NF1: variants seen among roughly 807,000 people sequenced by gnomAD.
NF1 encodes the protein neurofibromin 1.
In NF1, 122 loss-of-function variants were observed where a neutral mutation model predicts 325.7. The observed-to-expected ratio is 0.37, with a 90% CI of 0.32 to 0.44. NF1 has a LOEUF of 0.44. Ranked by LOEUF, NF1 falls within the 20% of genes least tolerant of loss-of-function variation. The pLI is 1.00. For synonymous variants in NF1, 1,091 were observed against 1,186.0 expected (o/e 0.92, Z 1.65); for missense variants, 2,140 against 3,415.4 (o/e 0.63, Z 9.31).
chr17:31,097,844 G>C (rs1333250469), intron 1 of NF1, among the ~76,000 whole-genome samples: 6 of 152,088 alleles, frequency 3.9e-5, no homozygotes, highest in Admixed American at 1.3e-4. Flanking sequence ...TTACAGGTGT[G>C]CACCATCGTG....
At chr17:31,338,637 G>GA in intron 45 of NF1, 67 bp from the exon 46 acceptor site, 1 of 985,274 alleles carries the variant, frequency 1.0e-6, no homozygotes, top group Non-Finnish European at 1.6e-6. Flanking sequence ...TTCATTCCGA[G>GA]ATTCAGTTTA....
chr17:31,361,372 C>A (rs909681723), intron 57 of NF1: 1 of 152,484 alleles, frequency 6.6e-6, no homozygotes, highest in African/African-American at 2.4e-5. Flanking sequence ...AAATGGCAAA[C>A]CTACAGAACT....
At chr17:31,210,860 G>A (rs1392075177) in intron 12 of NF1, among the ~76,000 whole-genome samples, 1 of 151,712 alleles carries the variant, frequency 6.6e-6, no homozygotes, top group Non-Finnish European at 1.5e-5. Flanking sequence ...TATGAATGTT[G>A]AGCCATAACT....
At chr17:31,198,329 T>C (rs2066469214) in intron 8 of NF1, among the ~76,000 whole-genome samples, 2 of 152,148 alleles carry the variant, frequency 1.3e-5, no homozygotes, top group Admixed American at 1.3e-4. Flanking sequence ...ATTCTGGAAG[T>C]GTTTGAGAAG....
At chr17:31,221,661 T>C (rs1234133269) in intron 14 of NF1, among the ~76,000 whole-genome samples, 189 bp from the exon 15 acceptor site, 5 of 152,210 alleles carry the variant, frequency 3.3e-5, no homozygotes, top group Non-Finnish European at 7.4e-5. Flanking sequence ...GATTTCATTC[T>C]GTCTGTATTA....
chr17:31,222,595 TA>T lies in NF1; in HGVS notation c.1721+671del, dbSNP rs1454224987. The stretch of plus-strand genomic sequence containing the variant: ...GTAATATAATGAGAACCCCATATGT[TA>T]AAAACTTTTTTACTTACTACATTAA... On this transcript the variant is annotated intron_variant, in intron 15 of 57. Coordinates refer to ENST00000358273, the MANE Select transcript of NF1 (RefSeq NM_001042492.3). The T allele has an allele frequency of 6.1e-6, 6 of 981,998 alleles. No individual in the cohort carries two copies. In the East Asian group the frequency reaches 3.4e-4, roughly 56 times the overall value. 60.8% of individuals were successfully genotyped at this position (981,998 alleles called of 1,614,324 possible). A position where few individuals can be genotyped will look rare whatever the true frequency, so the allele number is the denominator to read the frequency against.
chr17:31,352,383 A>G lies in NF1; in HGVS notation c.7584A>G (p.Gln2528=), dbSNP rs55865524. The change falls in exon 51 of 58, where the codon CAA becomes CAG. Residue 2528 remains glutamine, a synonymous_variant. Transcript: ENST00000358273. The stretch of plus-strand genomic sequence containing the variant: ...AATCCATGAGCCTGGACATGGGGCA[A>G]CCTTCTCAGGCCAACACTAAGAAGT... The part of the protein sequence containing the change: ...ARKSMSLDMG[Q]PSQANTKKLL... 9.8e-4 allele frequency: 1,578 copies of G among 1,614,034 alleles called. 6 individuals are homozygous for G. The highest frequency in any genetic ancestry group is 7.9e-3 in the Middle Eastern group (48 of 6,056).
Position 31,357,457 on chromosome 17 carries a change from G to A in NF1, c.7970+88G>A, listed in dbSNP as rs981842923. 5.4e-5 allele frequency: 54 copies of A among 996,142 alleles called. No homozygotes were observed. In the South Asian group the frequency reaches 6.3e-4, roughly 12 times the overall value. 61.7% of individuals were successfully genotyped at this position (996,142 alleles called of 1,614,324 possible). The stretch of plus-strand genomic sequence containing the variant: ...AGTAATGTGCACTGGTTGCAAAGAG[G>A]GCAAAATGAGATATTGTGATAGTGA... On this transcript the variant is annotated intron_variant, in intron 54 of 57. Transcript: ENST00000358273.
chr17:31,376,244 G>A lies in NF1; in HGVS notation c.*2089G>A, dbSNP rs17881973. On this transcript the variant is annotated 3_prime_UTR_variant, in exon 58 of 58. Coordinates refer to ENST00000358273, the MANE Select transcript of NF1 (RefSeq NM_001042492.3). The stretch of plus-strand genomic sequence containing the variant: ...TTAGTTCGATGTTTTTCTTGTTTTT[G>A]TTTGTTGGTTTGGTGCATATGATAG... 0.015 allele frequency: 3,526 copies of A among 232,810 alleles called. 142 individuals are homozygous for A. Among genetic ancestry groups the A allele is most frequent in the African/African-American group, 0.072 (3,264 of 45,372 alleles). 14.4% of individuals were successfully genotyped at this position (232,810 alleles called of 1,614,324 possible). A position where few individuals can be genotyped will look rare whatever the true frequency, so the allele number is the denominator to read the frequency against.
intron 1 of NF1, chr17:31,137,622 G>A (rs1226624095): frequency 1.3e-5 from 2 of 151,574 alleles, no homozygotes; most frequent in Non-Finnish European, 2.9e-5. Flanking sequence ...TCTCCCTTCA[G>A]CATCATTTTG....
rs866829123 is a variant in NF1 at position 31,335,295 on chromosome 17, T to A, written c.6006+264T>A. Among the ~76,000 whole-genome samples, 28 of 128,876 alleles carry A rather than the reference T, an allele frequency of 2.2e-4. 3 individuals carry two copies. The highest frequency in any genetic ancestry group is 8.7e-4 in the African/African-American group (27 of 31,076). The allele number at this position is 128,876 out of a possible 152,430, so 84.5% of individuals were successfully genotyped here. ...ATAATTATATATATATATATATATA[T>A]AATTATGCCTTGAAGGAGACTGTGC... is the stretch of plus-strand genomic sequence containing the variant. On this transcript the variant is annotated intron_variant, in intron 40 of 57. Coordinates refer to ENST00000358273, the MANE Select transcript of NF1 (RefSeq NM_001042492.3).
intron 36 of NF1, chr17:31,295,621 G>A (rs1433022066): frequency 1.9e-5 from 31 of 1,614,016 alleles, no homozygotes; most frequent in Non-Finnish European, 2.6e-5. Context: ...ACTTCAGTAA[G>A]TAAGTAATGT....
chr17:31,265,852 G>T (rs1196624591), intron 36 of NF1, among the ~76,000 whole-genome samples: 4 of 152,132 alleles, frequency 2.6e-5, no homozygotes, highest in African/African-American at 9.7e-5. Context: ...TGTTCATGCT[G>T]CCCTCAGTTG....
At chr17:31,282,963 C>A (rs1411127541) in intron 36 of NF1, among the ~76,000 whole-genome samples, 3 of 152,088 alleles carry the variant, frequency 2.0e-5, no homozygotes, top group African/African-American at 4.8e-5. Context: ...TTGATAAATC[C>A]CTCCTTTTCT....
intron 1 of NF1, among the ~76,000 whole-genome samples, chr17:31,099,110 T>C (rs1912064482): frequency 6.6e-6 from 1 of 152,148 alleles, no homozygotes; most frequent in Non-Finnish European, 1.5e-5. Flanking sequence ...AGCATGTGCA[T>C]GTCTAAAGAT....
At chr17:31,354,254 GA>G (rs964912143) in intron 51 of NF1, among the ~76,000 whole-genome samples, 8 of 151,716 alleles carry the variant, frequency 5.3e-5, no homozygotes, top group Admixed American at 3.3e-4. Context: ...GAAATTAGAA[GA>G]AAAAAAACTG....
chr17:31,183,226 AAAG>A (rs1420495693), intron 8 of NF1: 1 of 195,866 alleles, frequency 5.1e-6, no homozygotes, highest in African/African-American at 2.3e-5. Flanking sequence ...TTGAAAAAAA[AAAG>A]AACTGAGTAT....
At chr17:31,229,574 T>A in intron 21 of NF1, 109 bp downstream of exon 21, 1 of 1,383,872 alleles carries the variant, frequency 7.2e-7, no homozygotes, top group Non-Finnish European at 1.0e-6. Context: ...TTTTTAAAAA[T>A]TTCCAAAAAA....
chr17:31,279,556 A>T (rs923845870), intron 36 of NF1, among the ~76,000 whole-genome samples: 3 of 151,954 alleles, frequency 2.0e-5, no homozygotes, highest in Non-Finnish European at 2.9e-5. Context: ...CTCAGAATCC[A>T]GTCTGGGCAA....
Sources: gnomAD v4.1 joint callset for allele counts (sites outside exome capture counted in the v4.1 genomes callset) on GRCh38, gnomAD v4.1.1 for gene constraint, MANE v1.5 for transcripts, NCBI Gene and HGNC (gene_info 2026-07-23, HGNC 2026-07-21) for gene names.